ME1: variants seen among roughly 807,000 people sequenced by gnomAD.
ME1 encodes NADP-dependent malic enzyme.
In ME1, 74 loss-of-function variants were observed where a neutral mutation model predicts 66.4. The observed-to-expected ratio is 1.11, with a 90% CI of 0.92 to 1.35. The LOEUF is 1.35. ME1 is among the 40% of genes most tolerant of loss of function. The pLI, the probability that ME1 is intolerant of heterozygous loss-of-function variation, is 0.00. For synonymous variants in ME1, 251 were observed against 235.6 expected (o/e 1.07, Z -0.60); for missense variants, 750 against 694.1 (o/e 1.08, Z -0.90).
rs1308896782 is a variant in ME1, at chr6:83,239,644, A to T, written c.815-8T>A. On this transcript the variant is annotated splice_region_variant and splice_polypyrimidine_tract_variant and intron_variant, in intron 7 of 13. Coordinates refer to ENST00000369705, the MANE Select transcript of ME1 (RefSeq NM_002395.6). ...CTGCAACAGATGCTGTTCCTGAAAC[A>T]AGTAATAAATATCCTTGAGTAATCC... 6.3e-7 allele frequency: 1 copy of T among 1,598,330 alleles called. No individual in the cohort carries two copies. The highest frequency in any genetic ancestry group is 8.6e-7 in the Non-Finnish European group (1 of 1,165,972).
In ME1 at chr6:83,295,954, C is replaced by T. The variant is rs574349921; in HGVS notation, c.704+19356G>A. 3.3e-5 allele frequency among the ~76,000 whole-genome samples: 5 copies of T among 152,066 alleles called. No homozygotes were observed. In the South Asian group the frequency reaches 1.0e-3, roughly 32 times the overall value. ...AAATTCCTGGACATATAAACTCTCC[C>T]AAGACTAAATCAGGAAGAAACTGAA... is the stretch of plus-strand genomic sequence containing the variant. On this transcript the variant is annotated intron_variant, in intron 6 of 13. Transcript: ENST00000369705.
chr6:83,421,101 A>G (rs372111586), intron 1 of ME1, among the ~76,000 whole-genome samples: 1 of 152,142 alleles, frequency 6.6e-6, no homozygotes, highest in East Asian at 1.9e-4. Flanking sequence ...TCACAGCACA[A>G]AAAGGGGCAC....
chr6:83,219,740 A>AT lies in ME1; in HGVS notation c.1450-3145dup, dbSNP rs11324255. Among the ~76,000 whole-genome samples, 849 of 133,190 alleles carry AT rather than the reference A, an allele frequency of 6.4e-3. 1 individual carries two copies. Among genetic ancestry groups the AT allele is most frequent in the African/African-American group, 1.0e-2 (358 of 35,836 alleles). The allele number at this position is 133,190 out of a possible 152,430, so 87.4% of individuals were successfully genotyped here. On this transcript the variant is annotated intron_variant, in intron 12 of 13. Transcript: ENST00000369705. ...AGCTGTGTGCCATCATGCCCAACTA[A>AT]TTTTTTTTTTTTTTTTTTTGTATTT... is the stretch of plus-strand genomic sequence containing the variant.
chr6:83,351,351 C>T (rs1181244092), intron 4 of ME1, among the ~76,000 whole-genome samples: 3 of 152,146 alleles, frequency 2.0e-5, no homozygotes, highest in Admixed American at 2.0e-4. Context: ...AAAGATACCA[C>T]AAAGTTGCTA....
intron 6 of ME1, among the ~76,000 whole-genome samples, chr6:83,273,117 C>T (rs1226960490): frequency 1.4e-5 from 2 of 140,690 alleles, no homozygotes; most frequent in East Asian, 2.1e-4. Context: ...ATGGAGGCTG[C>T]AGTGAGCCAA....
chr6:83,228,794 G>A (rs1316300453), intron 10 of ME1, 32 bp downstream of exon 10: 26 of 1,386,202 alleles, frequency 1.9e-5, no homozygotes, highest in Non-Finnish European at 2.5e-5. Flanking sequence ...AAAATAAGGG[G>A]TAGGGGAGAA....
In ME1 at chr6:83,315,196, T is replaced by C. The variant is rs113708526; in HGVS notation, c.704+114A>G. The C allele has an allele frequency of 6.0e-3, 3,941 of 654,034 alleles. 23 individuals are homozygous for C. Among genetic ancestry groups the C allele is most frequent in the Non-Finnish European group, 9.0e-3 (3,322 of 370,450 alleles). The allele number at this position is 654,034 out of a possible 1,614,324, so 40.5% of individuals were successfully genotyped here. A position where few individuals can be genotyped will look rare whatever the true frequency, so the allele number is the denominator to read the frequency against. ...GAGGAAATAGATAGGATATATGCAT[T>C]TTTCATTCAAATTACTTCTAATTAT... is the stretch of plus-strand genomic sequence containing the variant. On this transcript the variant is annotated intron_variant, in intron 6 of 13. Transcript: ENST00000369705.
intron 6 of ME1, among the ~76,000 whole-genome samples, chr6:83,259,696 G>C (rs1766848483): frequency 1.3e-5 from 2 of 152,176 alleles, no homozygotes; most frequent in African/African-American, 4.8e-5. Flanking sequence ...CAACGAAGAA[G>C]ATGGATGTGT....
At chr6:83,377,056 C>A (rs904108889) in intron 3 of ME1, among the ~76,000 whole-genome samples, 1 of 152,066 alleles carries the variant, frequency 6.6e-6, no homozygotes, top group African/African-American at 2.4e-5. Flanking sequence ...GGAAATGTAT[C>A]AAAACTAATA....
intron 7 of ME1, among the ~76,000 whole-genome samples, chr6:83,241,480 G>A (rs1452003079): frequency 6.6e-6 from 1 of 151,986 alleles, no homozygotes; most frequent in Non-Finnish European, 1.5e-5. Context: ...ATTTCATATG[G>A]TTATGCTAGA....
At position 83,344,109 on chromosome 6, in the gene ME1, T is replaced by TAA. The variant is rs561027558; in HGVS notation, c.600+2062_600+2063dup. The stretch of plus-strand genomic sequence containing the variant: ...GCAACATACATAGCAAGACCCCGTC[T>TAA]AAAAAAAAAAAAAAAGGTTAAAAAA... On this transcript the variant is annotated intron_variant, in intron 5 of 13. Coordinates refer to ENST00000369705, the MANE Select transcript of ME1 (RefSeq NM_002395.6). Among the ~76,000 whole-genome samples the TAA allele has an allele frequency of 3.8e-3, 487 of 126,884 alleles. 2 individuals carry two copies. Among genetic ancestry groups the TAA allele is most frequent in the African/African-American group, 0.013 (441 of 34,810 alleles). The allele number at this position is 126,884 out of a possible 152,430, so 83.2% of individuals were successfully genotyped here.
rs1373642945 is a variant in ME1 at position 83,238,400 on chromosome 6, G to A, written c.913-570C>T. Reference sequence around the variant, plus strand: ...GTGAAATTTCCAATATCTTTCCAGGGACAAACAAGTGCTAGTTTTGAATCA... The same window carrying A: ...GTGAAATTTCCAATATCTTTCCAGGAACAAACAAGTGCTAGTTTTGAATCA... On this transcript the variant is annotated intron_variant, in intron 8 of 13. Coordinates refer to ENST00000369705, the MANE Select transcript of ME1 (RefSeq NM_002395.6). 3.3e-5 allele frequency among the ~76,000 whole-genome samples: 5 copies of A among 152,154 alleles called. No homozygotes were observed. In the East Asian group the frequency reaches 9.7e-4, roughly 29 times the overall value.
chr6:83,319,534 A>G (rs1768113383), intron 5 of ME1, among the ~76,000 whole-genome samples: 1 of 152,108 alleles, frequency 6.6e-6, no homozygotes, highest in Non-Finnish European at 1.5e-5. Context: ...TAAGACAGAG[A>G]CACTTCAAAT....
At chr6:83,257,485 C>A (rs1239669053) in intron 6 of ME1, among the ~76,000 whole-genome samples, 1 of 152,076 alleles carries the variant, frequency 6.6e-6, no homozygotes, top group Non-Finnish European at 1.5e-5. Flanking sequence ...TTAAAACAAC[C>A]ATTTCAGTGC....
intron 1 of ME1, among the ~76,000 whole-genome samples, chr6:83,423,134 T>C (rs889895593): frequency 6.7e-6 from 1 of 149,520 alleles, no homozygotes; most frequent in African/African-American, 2.4e-5. Context: ...CAAACATATA[T>C]CAACTTGAAT....
intron 3 of ME1, among the ~76,000 whole-genome samples, chr6:83,378,263 T>G (rs1769331042): frequency 6.6e-6 from 1 of 152,002 alleles, no homozygotes; most frequent in Admixed American, 6.6e-5. Flanking sequence ...CATAAAATAG[T>G]ATATAGGCAA....
chr6:83,278,266 T>G (rs1392784483), intron 6 of ME1, among the ~76,000 whole-genome samples: 1 of 152,130 alleles, frequency 6.6e-6, no homozygotes. Context: ...GGAGACTCAG[T>G]GTATACTAAC....
chr6:83,413,261 C>T (rs1043717169), intron 1 of ME1, among the ~76,000 whole-genome samples: 1 of 152,168 alleles, frequency 6.6e-6, no homozygotes, highest in African/African-American at 2.4e-5. Context: ...ATCTGCCTGC[C>T]TTGGCCTCCC....
At chr6:83,301,314 TTCTCTCTCTCTC>T (rs560570045) in intron 6 of ME1, among the ~76,000 whole-genome samples, 2 of 141,306 alleles carry the variant, frequency 1.4e-5, no homozygotes, top group South Asian at 2.2e-4. Context: ...CTTTCTTTCT[TTCTCTCTCTCTC>T]TCTCTCTCTC....
Sources: gnomAD v4.1 joint callset for allele counts (sites outside exome capture counted in the v4.1 genomes callset) on GRCh38, gnomAD v4.1.1 for gene constraint, MANE v1.5 for transcripts, NCBI Gene and HGNC (gene_info 2026-07-23, HGNC 2026-07-21) for gene names.